Variants in IPMK observed in about 807,000 individuals in gnomAD.
The protein encoded by IPMK is inositol 1,3,4,6-tetrakisphosphate 5-kinase.
IPMK carries 17 observed loss-of-function variants against 45.8 expected under a neutral mutation model. The observed-to-expected ratio is 0.37, with a 90% confidence interval of 0.25 to 0.56. The LOEUF (loss-of-function observed/expected upper bound fraction) is 0.56, where lower values mean the gene tolerates loss of function less well. IPMK is among the 20% of genes least tolerant of loss of function. The probability of loss-of-function intolerance (pLI) is 0.79; values close to 1 mark genes in which losing one functional copy is unlikely to be tolerated. For missense variants in IPMK, 399 were observed against 498.0 expected, an observed-to-expected ratio of 0.80 and a Z score of 1.89; for synonymous variants, 180 against 184.3, an observed-to-expected ratio of 0.98 and a Z score of 0.19.
At chr10:58,211,193 T>G (rs1564529542) in intron 4 of IPMK, among the ~76,000 whole-genome samples, 1 of 148,498 alleles carries the variant, frequency 6.7e-6, no homozygotes, top group Non-Finnish European at 1.5e-5. Context: ...TTACCCGGTT[T>G]TTTTTTTTTT....
At chr10:58,248,226 T>G (rs1257543711) in intron 1 of IPMK, among the ~76,000 whole-genome samples, 2 of 151,818 alleles carry the variant, frequency 1.3e-5, no homozygotes, top group African/African-American at 4.8e-5. Context: ...AATAATGAAT[T>G]TAAAAAAAAA....
intron 1 of IPMK, among the ~76,000 whole-genome samples, chr10:58,242,798 TG>T (rs972998684): frequency 1.3e-5 from 2 of 152,196 alleles, no homozygotes; most frequent in African/African-American, 4.8e-5. Flanking sequence ...AATCTCATGT[TG>T]AATTGTAATC....
chr10:58,267,438 G>A lies in IPMK; in HGVS notation c.174C>T (p.Tyr58=). The part of the protein sequence containing the change: ...PLSHQVAGHM[Y]GKDKVGILQH... ...CCCACTTACCCACTTTGTCCTTCCCGTACATGTGCCCGGCCACCTGATGCG... is the reference window on the plus strand; with the variant it reads ...CCCACTTACCCACTTTGTCCTTCCCATACATGTGCCCGGCCACCTGATGCG... Residue 58 remains tyrosine, a synonymous_variant, in exon 1 of 6, where the codon TAC becomes TAT. Transcript: ENST00000373935. The A allele has an allele frequency of 6.2e-7, 1 of 1,613,910 alleles. No homozygotes were observed. The highest frequency in any genetic ancestry group is 8.5e-7 in the Non-Finnish European group (1 of 1,179,872).
At chr10:58,247,618 AC>A (rs35300603) in intron 1 of IPMK, among the ~76,000 whole-genome samples, 51,249 of 151,756 alleles carry the variant, frequency 0.34, 10,868 homozygotes, top group African/African-American at 0.61. Context: ...GAACACATGG[AC>A]ACAGGAAGGG....
At chr10:58,256,651 T>C (rs1048769707) in intron 1 of IPMK, among the ~76,000 whole-genome samples, 3 of 152,156 alleles carry the variant, frequency 2.0e-5, no homozygotes, top group Non-Finnish European at 4.4e-5. Context: ...TAATAAAAAC[T>C]TGCTGGTTTT....
intron 1 of IPMK, among the ~76,000 whole-genome samples, chr10:58,263,108 AGGCAT>A (rs1439517837): frequency 1.3e-5 from 2 of 152,240 alleles, no homozygotes; most frequent in East Asian, 3.8e-4. Context: ...TACTGAAGCC[AGGCAT>A]GGTGACTCAT....
At chr10:58,264,503 AG>A (rs1839119850) in intron 1 of IPMK, among the ~76,000 whole-genome samples, 2 of 152,196 alleles carry the variant, frequency 1.3e-5, no homozygotes, top group Non-Finnish European at 2.9e-5. Context: ...TAAAACTTTA[AG>A]GACTTTTTAA....
At chr10:58,196,765 C>A in intron 5 of IPMK, 67 bp from the exon 6 acceptor site, 2 of 1,089,746 alleles carry the variant, frequency 1.8e-6, no homozygotes, top group South Asian at 1.7e-5. Flanking sequence ...GAAGTAAACT[C>A]ATCACAGAAT....
intron 4 of IPMK, among the ~76,000 whole-genome samples, chr10:58,206,366 G>GT (rs1293584897): frequency 6.6e-6 from 1 of 152,184 alleles, no homozygotes; most frequent in East Asian, 1.9e-4. Context: ...AAAAAATACT[G>GT]TAAGTTGAAT....
At chr10:58,218,074 T>A in intron 3 of IPMK, among the ~76,000 whole-genome samples, 1 of 152,182 alleles carries the variant, frequency 6.6e-6, no homozygotes, top group Non-Finnish European at 1.5e-5. Flanking sequence ...TATGCTTTAG[T>A]CAAAGAAGAA....
In IPMK at chr10:58,192,935, A is replaced by C. The variant is rs1433839178; in HGVS notation, c.*3141T>G. ...GAGAAAGAAGGTAAGCATTATAAAC[A>C]ATTTTTAAAGCAAAACAAGTTTTAA... is the stretch of plus-strand genomic sequence containing the variant. On this transcript the variant is annotated 3_prime_UTR_variant, in exon 6 of 6. Transcript: ENST00000373935. 6.6e-6 allele frequency: 1 copy of C among 152,030 alleles called. No individual in the cohort carries two copies. Among genetic ancestry groups the C allele is most frequent in the African/African-American group, 2.4e-5 (1 of 41,458 alleles). The allele number at this position is 152,030 out of a possible 1,614,324, so 9.4% of individuals were successfully genotyped here.
At chr10:58,235,360 T>C (rs1339693348) in intron 2 of IPMK, among the ~76,000 whole-genome samples, 4 of 152,186 alleles carry the variant, frequency 2.6e-5, no homozygotes, top group Non-Finnish European at 5.9e-5. Context: ...TAAAGATACA[T>C]GTAGACGTAT....
rs763644258 is a variant in IPMK, at chr10:58,245,059, TAATAA to T, written c.191-7250_191-7246del. The stretch of plus-strand genomic sequence containing the variant: ...TCAATAAATACTAAAAAAAAAAAAA[TAATAA>T]AATAAACAAATTAAAATAAAAAAAT... On this transcript the variant is annotated intron_variant, in intron 1 of 5. Transcript: ENST00000373935. Among the ~76,000 whole-genome samples the T allele has an allele frequency of 2.6e-3, 328 of 123,948 alleles. 5 individuals carry two copies. The highest frequency in any genetic ancestry group is 3.2e-3 in the Non-Finnish European group (197 of 62,398). 81.3% of individuals were successfully genotyped at this position (123,948 alleles called of 152,430 possible).
intron 4 of IPMK, among the ~76,000 whole-genome samples, chr10:58,213,867 C>T (rs1003535633): frequency 5.9e-5 from 9 of 152,016 alleles, no homozygotes; most frequent in East Asian, 3.9e-4. Flanking sequence ...ATGAAAAATG[C>T]CATTTGGAAT....
chr10:58,229,449 G>A (rs1838473611), intron 2 of IPMK, among the ~76,000 whole-genome samples: 1 of 150,808 alleles, frequency 6.6e-6, no homozygotes, highest in South Asian at 2.1e-4. Context: ...TGTAATCCCA[G>A]CTACTCAGGA....
At chr10:58,216,421 G>C (rs554198319) in intron 3 of IPMK, 104 bp from the exon 4 acceptor site, 12 of 489,050 alleles carry the variant, frequency 2.5e-5, no homozygotes, top group African/African-American at 1.8e-4. Flanking sequence ...AGAGAAAAAA[G>C]TTAAAATAAA....
chr10:58,198,730 T>A (rs1421370059), intron 5 of IPMK, among the ~76,000 whole-genome samples: 1 of 152,174 alleles, frequency 6.6e-6, no homozygotes, highest in Non-Finnish European at 1.5e-5. Context: ...TTTAGAAGCA[T>A]GTATGTATGT....
At chr10:58,242,459 C>CAAA (rs1377487096) in intron 1 of IPMK, among the ~76,000 whole-genome samples, 4 of 45,040 alleles carry the variant, frequency 8.9e-5, no homozygotes, top group Admixed American at 4.5e-4. Context: ...GACTCCGTCT[C>CAAA]AAAAAAAAAA....
rs781478319 is a variant in IPMK, at chr10:58,237,759, C to T, written c.246G>A (p.Arg82=). ...TVLKQLQPPP[R]GPRELEFYNM... ...TATAGAATTCCAGCTCTCTTGGGCC[C>T]CTTGGAGGTGGTTGTAACTGTTTCA... is the stretch of plus-strand genomic sequence containing the variant. The change falls in exon 2 of 6, where the codon AGG becomes AGA. Residue 82 remains arginine, a synonymous_variant. Transcript: ENST00000373935. 7.4e-6 allele frequency: 12 copies of T among 1,613,368 alleles called. No individual in the cohort carries two copies. Among genetic ancestry groups the T allele is most frequent in the Non-Finnish European group, 1.0e-5 (12 of 1,179,642 alleles).
Sources: gnomAD v4.1 joint callset for allele counts (sites outside exome capture counted in the v4.1 genomes callset) on GRCh38, gnomAD v4.1.1 for gene constraint, MANE v1.5 for transcripts, NCBI Gene and HGNC (gene_info 2026-07-23, HGNC 2026-07-21) for gene names.